The following KCNN2 variants were observed in gnomAD, a reference collection of about 807,000 sequenced individuals.
KCNN2 encodes the protein small conductance calcium-activated potassium channel protein 2.
Under a neutral mutation model 55.5 loss-of-function variants are expected in KCNN2, and 24 were observed. The observed-to-expected ratio is 0.43, with a 90% CI of 0.31 to 0.61. The LOEUF is 0.61. Among genes scored for constraint, KCNN2 ranks in the 20% least tolerant of loss-of-function variants. The pLI, the probability that KCNN2 is intolerant of heterozygous loss-of-function variation, is 0.08. For missense variants in KCNN2, 754 were observed against 853.6 expected (o/e 0.88, Z 1.45); for synonymous variants, 431 against 336.1 (o/e 1.28, Z -3.09).
intron 1 of KCNN2, among the ~76,000 whole-genome samples, chr5:114,193,623 G>C (rs541086095): frequency 3.3e-5 from 5 of 152,270 alleles, no homozygotes; most frequent in African/African-American, 1.2e-4. Context: ...TCAGAAATTT[G>C]TGTCATTGAT....
At chr5:114,179,735 A>T (rs1428088453) in intron 1 of KCNN2, among the ~76,000 whole-genome samples, 4 of 152,154 alleles carry the variant, frequency 2.6e-5, no homozygotes, top group African/African-American at 9.7e-5. Flanking sequence ...ATTTCCTCAC[A>T]GTAGAGCGTT....
At chr5:114,243,052 A>G (rs904619438) in intron 2 of KCNN2, among the ~76,000 whole-genome samples, 1 of 152,164 alleles carries the variant, frequency 6.6e-6, no homozygotes, top group Non-Finnish European at 1.5e-5. Flanking sequence ...TCTAGTGGGG[A>G]TGTCAGAAAA....
At chr5:114,264,716 G>T (rs1755175060) in intron 2 of KCNN2, among the ~76,000 whole-genome samples, 1 of 152,180 alleles carries the variant, frequency 6.6e-6, no homozygotes, top group Admixed American at 6.5e-5. Context: ...CTGGAATTGA[G>T]ACCTGAGCTA....
intron 3 of KCNN2, among the ~76,000 whole-genome samples, chr5:114,461,214 A>C (rs1017223205): frequency 2.6e-5 from 4 of 152,150 alleles, no homozygotes; most frequent in Admixed American, 6.5e-5. Context: ...TATATTAGGT[A>C]ACAAAGATTC....
chr5:114,250,360 C>T (rs1041330158), intron 2 of KCNN2, among the ~76,000 whole-genome samples: 3 of 152,116 alleles, frequency 2.0e-5, no homozygotes, highest in African/African-American at 7.2e-5. Flanking sequence ...GAGTGAGTTT[C>T]TAAGCCCACT....
At chr5:114,188,478 A>C (rs1366943476) in intron 1 of KCNN2, among the ~76,000 whole-genome samples, 1 of 152,200 alleles carries the variant, frequency 6.6e-6, no homozygotes, top group Non-Finnish European at 1.5e-5. Flanking sequence ...AGGCAATGCA[A>C]AAAAGATAAA....
At chr5:114,212,002 T>C (rs1165311988) in intron 1 of KCNN2, among the ~76,000 whole-genome samples, 1 of 151,298 alleles carries the variant, frequency 6.6e-6, no homozygotes, top group Non-Finnish European at 1.5e-5. Context: ...TTATATATTT[T>C]ATTATATGAG....
In KCNN2 at chr5:114,171,431, T is replaced by A. The variant is rs577634602; in HGVS notation, c.-270-50049T>A. Among the ~76,000 whole-genome samples the A allele has an allele frequency of 1.9e-4, 29 of 151,994 alleles. No individual in the cohort carries two copies. In the South Asian group the frequency reaches 5.2e-3, roughly 27 times the overall value. On this transcript the variant is annotated intron_variant, in intron 1 of 10. Coordinates refer to the KCNN2 transcript ENST00000512097. The stretch of plus-strand genomic sequence containing the variant: ...CCTTTGGCTAAAACATTTTAGAAAA[T>A]CAGTGGAGAAATTTAATGAGTTTTA...
intron 2 of KCNN2, among the ~76,000 whole-genome samples, chr5:114,352,954 A>G (rs1026078040): frequency 6.6e-6 from 1 of 151,916 alleles, no homozygotes; most frequent in African/African-American, 2.4e-5. Flanking sequence ...AATCCTCTGC[A>G]TAGCTGTTCT....
intron 5 of KCNN2, among the ~76,000 whole-genome samples, chr5:114,483,288 T>C (rs923551385): frequency 6.7e-6 from 1 of 149,900 alleles, no homozygotes; most frequent in Non-Finnish European, 1.5e-5. Context: ...TTTTTTTTTT[T>C]TTTTGAGAGA....
At chr5:114,274,645 T>C (rs1755445730) in intron 2 of KCNN2, among the ~76,000 whole-genome samples, 2 of 152,164 alleles carry the variant, frequency 1.3e-5, no homozygotes, top group Non-Finnish European at 2.9e-5. Flanking sequence ...TTGTCTGTTA[T>C]TGGTATATAG....
chr5:114,341,954 T>C (rs987664258), intron 2 of KCNN2, among the ~76,000 whole-genome samples: 3 of 151,670 alleles, frequency 2.0e-5, no homozygotes, highest in Non-Finnish European at 4.4e-5. Flanking sequence ...CAGGCTGTAG[T>C]GCAGTGGCAT....
intron 1 of KCNN2, among the ~76,000 whole-genome samples, chr5:114,101,676 C>T: frequency 6.6e-6 from 1 of 151,748 alleles, no homozygotes; most frequent in Admixed American, 6.6e-5. Flanking sequence ...TGAGTGAGAA[C>T]ATGTGGTGTT....
Position 114,240,654 on chromosome 5 carries a change from C to A in KCNN2, c.-185+19089C>A, listed in dbSNP as rs553758849. The stretch of plus-strand genomic sequence containing the variant: ...CCATGTTGCCCAGGCTGGTCTTGAA[C>A]TCCTTGCCTCAAGCAATCCACTGCC... On this transcript the variant is annotated intron_variant, in intron 2 of 10. Coordinates refer to the KCNN2 transcript ENST00000512097. 1.2e-3 allele frequency among the ~76,000 whole-genome samples: 178 copies of A among 152,142 alleles called. 2 individuals are homozygous for A. The highest frequency in any genetic ancestry group is 9.3e-4 in the Non-Finnish European group (63 of 67,996).
intron 3 of KCNN2, among the ~76,000 whole-genome samples, chr5:114,436,147 A>G (rs532773299): frequency 1.3e-5 from 2 of 152,372 alleles, no homozygotes; most frequent in South Asian, 4.1e-4. Flanking sequence ...CCTGTAGGTC[A>G]TCATCACCCT....
At chr5:114,490,795 A>C in intron 6 of KCNN2, 1 of 397,826 alleles carries the variant, frequency 2.5e-6, no homozygotes, top group Non-Finnish European at 4.4e-6. Flanking sequence ...TAGTAGTCTG[A>C]TTGCTGCTAT....
chr5:114,114,577 C>G (rs918819933), intron 1 of KCNN2, among the ~76,000 whole-genome samples: 4 of 151,964 alleles, frequency 2.6e-5, no homozygotes, highest in African/African-American at 9.7e-5. Context: ...AGGGATGCAG[C>G]TGAGAAAATG....
intron 2 of KCNN2, among the ~76,000 whole-genome samples, chr5:114,352,552 A>G (rs1344632160): frequency 6.6e-6 from 1 of 151,652 alleles, no homozygotes; most frequent in Non-Finnish European, 1.5e-5. Context: ...TTTCCAATTT[A>G]CATATTTATG....
chr5:114,275,456 T>C (rs988620001), intron 2 of KCNN2, among the ~76,000 whole-genome samples: 27 of 152,142 alleles, frequency 1.8e-4, no homozygotes, highest in Non-Finnish European at 3.4e-4. Flanking sequence ...TGTGAATCTG[T>C]CTGGTCCTGG....
Sources: gnomAD v4.1 joint callset for allele counts (sites outside exome capture counted in the v4.1 genomes callset) on GRCh38, gnomAD v4.1.1 for gene constraint, MANE v1.5 for transcripts, NCBI Gene and HGNC (gene_info 2026-07-23, HGNC 2026-07-21) for gene names.